The following ABHD2 variants were observed in gnomAD, a reference collection of about 807,000 sequenced individuals.
ABHD2 encodes monoacylglycerol lipase ABHD2.
ABHD2 carries 20 observed loss-of-function variants against 48.1 expected under a neutral mutation model. The observed-to-expected ratio is 0.42, with a 90% CI of 0.29 to 0.60. ABHD2 has a LOEUF of 0.60. Among genes scored for constraint, ABHD2 ranks in the 20% least tolerant of loss-of-function variants. The probability of loss-of-function intolerance (pLI) is 0.24; values close to 1 mark genes in which losing one functional copy is unlikely to be tolerated. For missense variants in ABHD2, 405 were observed against 550.9 expected, an observed-to-expected ratio of 0.74 and a Z score of 2.65; for synonymous variants, 209 against 214.2, an observed-to-expected ratio of 0.98 and a Z score of 0.21.
the ABHD2 span, among the ~76,000 whole-genome samples, chr15:89,060,699 T>G: frequency 1.3e-5 from 2 of 152,142 alleles, no homozygotes; most frequent in Admixed American, 1.3e-4. Flanking sequence ...CTCCAGATTT[T>G]AAGTGATTTG....
intron 3 of ABHD2, among the ~76,000 whole-genome samples, chr15:89,133,250 G>C (rs1157196151): frequency 6.7e-6 from 1 of 148,426 alleles, no homozygotes. Flanking sequence ...TTTATGTCTT[G>C]ACTGCTTCGT....
Position 89,137,762 on chromosome 15 carries a change from C to T in ABHD2, c.195-13915C>T, listed in dbSNP as rs2050338534. On this transcript the variant is annotated intron_variant, in intron 3 of 10. Coordinates refer to ENST00000352732, the MANE Select transcript of ABHD2 (RefSeq NM_152924.5). This position sits in a 1 kb window ranked among gnomAD's most constrained non-coding sequence, Gnocchi z 4.8. ...TGTTCAAAGTGGATTTCTGATGAGC[C>T]TATTAATGGGTGTTTGGGAAGCTGA... Among the ~76,000 whole-genome samples the T allele has an allele frequency of 6.6e-6, 1 of 152,204 alleles. No homozygotes were observed. Among genetic ancestry groups the T allele is most frequent in the Non-Finnish European group, 1.5e-5 (1 of 68,038 alleles).
At chr15:89,052,558 G>GACACACACAC in the ABHD2 span, among the ~76,000 whole-genome samples, 2 of 124,146 alleles carry the variant, frequency 1.6e-5, no homozygotes, top group African/African-American at 5.3e-5. Context: ...CAGACAGACA[G>GACACACACAC]ACACACACAC....
the ABHD2 span, among the ~76,000 whole-genome samples, chr15:89,047,350 G>C: frequency 6.6e-6 from 1 of 151,482 alleles, no homozygotes; most frequent in Non-Finnish European, 1.5e-5. Flanking sequence ...GTGTGGTGTG[G>C]TGCTGAAAAA....
At chr15:89,112,161 GCTGGGT>G (rs1422327191) in intron 1 of ABHD2, among the ~76,000 whole-genome samples, 1 of 152,076 alleles carries the variant, frequency 6.6e-6, no homozygotes, top group Non-Finnish European at 1.5e-5. Context: ...GAGAGAGCTT[GCTGGGT>G]CTGAAGCGGG....
intron 5 of ABHD2, among the ~76,000 whole-genome samples, chr15:89,165,573 A>C (rs933943412): frequency 1.3e-5 from 2 of 152,020 alleles, no homozygotes; most frequent in African/African-American, 4.8e-5. Context: ...GCAACATAGC[A>C]AGTCCTTGTC....
rs1046604861 is a variant in ABHD2, at chr15:89,104,979, A to G, written c.-106-8746A>G. 6.6e-6 allele frequency among the ~76,000 whole-genome samples: 1 copy of G among 151,208 alleles called. No individual in the cohort carries two copies. Among genetic ancestry groups the G allele is most frequent in the African/African-American group, 2.4e-5 (1 of 40,994 alleles). ...GGTGTAGATTTTTAAAAATATGTTT[A>G]GGATAAATCTCACAATTCATATGCC... is the stretch of plus-strand genomic sequence containing the variant. On this transcript the variant is annotated intron_variant, in intron 1 of 10. Coordinates refer to ENST00000352732, the MANE Select transcript of ABHD2 (RefSeq NM_152924.5). The surrounding 1 kb of genome is among the most constrained non-coding windows in gnomAD (Gnocchi z 4.4).
chr15:89,054,358 G>T, the ABHD2 span, among the ~76,000 whole-genome samples: 2 of 151,386 alleles, frequency 1.3e-5, no homozygotes, highest in Non-Finnish European at 2.9e-5. Flanking sequence ...AAGAATTTAT[G>T]CTGTGCCACC....
rs1043201196 is a variant in ABHD2 at position 89,193,448 on chromosome 15, G to A, written c.1081+129G>A. ...GGAAAGACATCTCATAGCAGTCAGTGTTCTTATTCTGTGTAGCCTGATAGT... is the reference window on the plus strand; with the variant it reads ...GGAAAGACATCTCATAGCAGTCAGTATTCTTATTCTGTGTAGCCTGATAGT... On this transcript the variant is annotated intron_variant, in intron 10 of 10. Coordinates refer to ENST00000352732, the MANE Select transcript of ABHD2 (RefSeq NM_152924.5). The A allele has an allele frequency of 1.5e-5, 11 of 758,238 alleles. No homozygotes were observed. The African/African-American group carries it at 1.7e-4, about 12-fold the overall frequency. 47.0% of individuals were successfully genotyped at this position (758,238 alleles called of 1,614,324 possible).
intron 1 of ABHD2, among the ~76,000 whole-genome samples, chr15:89,113,252 T>C: frequency 6.6e-6 from 1 of 152,262 alleles, no homozygotes; most frequent in South Asian, 2.1e-4. Flanking sequence ...GTACTTTGTT[T>C]TTGAGCCCAT....
chr15:89,181,228 C>CA (rs61411388), intron 6 of ABHD2, among the ~76,000 whole-genome samples: 6,124 of 68,944 alleles, frequency 0.089, 907 homozygotes, highest in East Asian at 0.13. Context: ...GACTCTGTCT[C>CA]AAAAAAAAAA....
At chr15:89,076,298 A>G in the ABHD2 span, among the ~76,000 whole-genome samples, 1 of 152,194 alleles carries the variant, frequency 6.6e-6, no homozygotes, top group African/African-American at 2.4e-5. Flanking sequence ...TCCATGGCCA[A>G]TCTTTCATCT....
Position 89,100,312 on chromosome 15 carries a change from G to T in ABHD2, c.-107+11749G>T, listed in dbSNP as rs1246297246. 1.3e-5 allele frequency among the ~76,000 whole-genome samples: 2 copies of T among 150,270 alleles called. No individual in the cohort carries two copies. Among genetic ancestry groups the T allele is most frequent in the Non-Finnish European group, 3.0e-5 (2 of 67,780 alleles). On this transcript the variant is annotated intron_variant, in intron 1 of 10. Coordinates refer to ENST00000352732, the MANE Select transcript of ABHD2 (RefSeq NM_152924.5). This position sits in a 1 kb window ranked among gnomAD's most constrained non-coding sequence, Gnocchi z 4.4. The stretch of plus-strand genomic sequence containing the variant: ...TTTTTTTTTTTTTTTAAGAGACAGG[G>T]TCTTACTCTGTCACCCAGGCTGGAG...
At chr15:89,056,427 C>T in the ABHD2 span, among the ~76,000 whole-genome samples, 902 of 152,074 alleles carry the variant, frequency 5.9e-3, 8 homozygotes, top group African/African-American at 0.021. Flanking sequence ...CTTCAGGCAC[C>T]GGGCACAGAT....
Position 89,182,617 on chromosome 15 carries a change from C to T in ABHD2, c.723-2807C>T, listed in dbSNP as rs1005529124. On this transcript the variant is annotated intron_variant, in intron 6 of 10. Coordinates refer to ENST00000352732, the MANE Select transcript of ABHD2 (RefSeq NM_152924.5). This position sits in a 1 kb window ranked among gnomAD's most constrained non-coding sequence, Gnocchi z 4.8. Reference sequence around the variant, plus strand: ...CACCCTGGCCAACATGACGAAACCCCGTATTCTACTAAAAAAATACAAAAA... The same window carrying T: ...CACCCTGGCCAACATGACGAAACCCTGTATTCTACTAAAAAAATACAAAAA... 6.6e-6 allele frequency among the ~76,000 whole-genome samples: 1 copy of T among 152,040 alleles called. No homozygotes were observed. Among genetic ancestry groups the T allele is most frequent in the Non-Finnish European group, 1.5e-5 (1 of 68,004 alleles).
chr15:89,065,837 G>T, the ABHD2 span, among the ~76,000 whole-genome samples: 1 of 152,140 alleles, frequency 6.6e-6, no homozygotes, highest in African/African-American at 2.4e-5. Flanking sequence ...CCAGGGAAAA[G>T]GAAGACTTCC....
intron 1 of ABHD2, among the ~76,000 whole-genome samples, chr15:89,105,559 G>A (rs541233166): frequency 5.3e-5 from 8 of 152,366 alleles, no homozygotes; most frequent in South Asian, 2.1e-4. Flanking sequence ...CAACCTTGCC[G>A]TAAATACATT....
intron 3 of ABHD2, among the ~76,000 whole-genome samples, chr15:89,127,864 C>T (rs2050160924): frequency 6.6e-6 from 1 of 151,966 alleles, no homozygotes; most frequent in African/African-American, 2.4e-5. Context: ...ACATTTCCAC[C>T]TTCTCTGTCT....
chr15:89,063,850 T>G, the ABHD2 span, among the ~76,000 whole-genome samples: 1 of 151,982 alleles, frequency 6.6e-6, no homozygotes, highest in East Asian at 1.9e-4. Context: ...ACGGACAGGG[T>G]GGGTAGCGGG....
Sources: allele counts gnomAD v4.1 joint callset (sites outside exome capture counted in the v4.1 genomes callset), GRCh38; gene constraint gnomAD v4.1.1; non-coding constraint Gnocchi (gnomAD v3.1); transcripts MANE v1.5; gene names NCBI Gene and HGNC (gene_info 2026-07-23, HGNC 2026-07-21).